The following VWC2L variants were observed in gnomAD, a reference collection of about 807,000 sequenced individuals.
The protein encoded by VWC2L is von Willebrand factor C domain-containing protein 2-like.
Under a neutral mutation model 21.6 loss-of-function variants are expected in VWC2L, and 10 were observed. The observed-to-expected ratio is 0.46, with a 90% confidence interval of 0.29 to 0.78. VWC2L has a LOEUF of 0.78. Ranked by LOEUF, VWC2L falls within the 30% of genes least tolerant of loss-of-function variation. The pLI, the probability that VWC2L is intolerant of heterozygous loss-of-function variation, is 0.10. For synonymous variants in VWC2L, 96 were observed against 94.3 expected (o/e 1.02, Z -0.10); for missense variants, 209 against 277.1 (o/e 0.75, Z 1.74).
chr2:214,514,897 G>A (rs1314881367), intron 3 of VWC2L, among the ~76,000 whole-genome samples: 1 of 152,190 alleles, frequency 6.6e-6, no homozygotes, highest in Admixed American at 6.5e-5. Flanking sequence ...TTTGGGCTTT[G>A]TGCAGACTTG....
chr2:214,515,994 A>AT (rs1352918287), intron 3 of VWC2L, among the ~76,000 whole-genome samples: 1 of 152,194 alleles, frequency 6.6e-6, no homozygotes, highest in Non-Finnish European at 1.5e-5. Context: ...CTAAGAATGA[A>AT]TGAGAGCATC....
chr2:214,457,331 T>C (rs1703071941), intron 3 of VWC2L, among the ~76,000 whole-genome samples: 1 of 152,132 alleles, frequency 6.6e-6, no homozygotes, highest in Non-Finnish European at 1.5e-5. Context: ...TCATTGTTGG[T>C]GTATAGAAAC....
At chr2:214,501,591 G>A (rs1199056779) in intron 3 of VWC2L, among the ~76,000 whole-genome samples, 2 of 151,972 alleles carry the variant, frequency 1.3e-5, no homozygotes, top group African/African-American at 2.4e-5. Flanking sequence ...GCATGGTGGT[G>A]GGTGCCTGTA....
chr2:214,467,199 TGTA>T (rs1311299107), intron 3 of VWC2L, among the ~76,000 whole-genome samples: 1 of 152,234 alleles, frequency 6.6e-6, no homozygotes, highest in African/African-American at 2.4e-5. Context: ...GGCTTTCTAA[TGTA>T]GCTAGCTGGA....
At chr2:214,432,023 A>T (rs1702607633) in intron 2 of VWC2L, among the ~76,000 whole-genome samples, 1 of 152,228 alleles carries the variant, frequency 6.6e-6, no homozygotes. Flanking sequence ...TAGTTATTTC[A>T]CGACTCACAG....
intron 3 of VWC2L, among the ~76,000 whole-genome samples, chr2:214,519,260 C>T (rs1689194000): frequency 6.6e-6 from 1 of 152,044 alleles, no homozygotes; most frequent in Non-Finnish European, 1.5e-5. Context: ...GCTCTTTCAC[C>T]CACCGAAGAA....
chr2:214,522,489 G>C lies in VWC2L; in HGVS notation c.521-53183G>C, dbSNP rs763264123. ...TACATAGTCGGTGTCTATATTTATGGGGTACAGGAGACATTGGGGTACAGA... is the reference window on the plus strand; with the variant it reads ...TACATAGTCGGTGTCTATATTTATGCGGTACAGGAGACATTGGGGTACAGA... On this transcript the variant is annotated intron_variant, in intron 3 of 3. Coordinates refer to ENST00000312504, the MANE Select transcript of VWC2L (RefSeq NM_001080500.4). Among the ~76,000 whole-genome samples, 13 of 151,864 alleles carry C rather than the reference G, an allele frequency of 8.6e-5. 1 individual carries two copies. Among genetic ancestry groups the C allele is most frequent in the Admixed American group, 7.9e-4 (12 of 15,230 alleles).
At chr2:214,511,575 AGTTGTC>A (rs1387111368) in intron 3 of VWC2L, among the ~76,000 whole-genome samples, 1 of 152,122 alleles carries the variant, frequency 6.6e-6, no homozygotes, top group Admixed American at 6.5e-5. Flanking sequence ...CTGAAAGGAG[AGTTGTC>A]ATTAGAAACT....
intron 3 of VWC2L, among the ~76,000 whole-genome samples, chr2:214,443,614 T>C (rs1702794608): frequency 1.3e-5 from 2 of 152,078 alleles, no homozygotes; most frequent in Admixed American, 6.6e-5. Context: ...ACATTGTACA[T>C]GAAAAAGCAA....
At chr2:214,503,209 C>T (rs185320696) in intron 3 of VWC2L, among the ~76,000 whole-genome samples, 72 of 152,240 alleles carry the variant, frequency 4.7e-4, no homozygotes, top group African/African-American at 1.5e-3. Context: ...CATTTAGCAT[C>T]TAAATCTTCA....
chr2:214,495,877 T>A (rs1688804843), intron 3 of VWC2L, among the ~76,000 whole-genome samples: 1 of 152,162 alleles, frequency 6.6e-6, no homozygotes. Flanking sequence ...TAGGAAATAA[T>A]ATTTCAAAAA....
intron 3 of VWC2L, among the ~76,000 whole-genome samples, chr2:214,493,627 G>A (rs1355735836): frequency 6.6e-6 from 1 of 152,092 alleles, no homozygotes; most frequent in African/African-American, 2.4e-5. Flanking sequence ...CTTTCTAACA[G>A]CTCTGGCACC....
intron 3 of VWC2L, among the ~76,000 whole-genome samples, chr2:214,463,981 A>T (rs1340011115): frequency 2.6e-5 from 4 of 151,952 alleles, no homozygotes; most frequent in Non-Finnish European, 5.9e-5. Context: ...TCAGCTTCAA[A>T]ATTTCTGCTT....
Position 214,576,807 on chromosome 2 carries a change from G to T in VWC2L, c.*987G>T, listed in dbSNP as rs771873838. 38 of 152,110 alleles carry T rather than the reference G, an allele frequency of 2.5e-4. No homozygotes were observed. The highest frequency in any genetic ancestry group is 5.4e-4 in the Non-Finnish European group (37 of 68,026). The allele number at this position is 152,110 out of a possible 1,614,324, so 9.4% of individuals were successfully genotyped here. On this transcript the variant is annotated 3_prime_UTR_variant, in exon 4 of 4. Transcript: ENST00000312504. ...AGTAGTACACACTGGCAGTTTTTGT[G>T]GTTCGGGACTGTGTTTGCCATGTTG...
intron 2 of VWC2L, among the ~76,000 whole-genome samples, chr2:214,424,515 C>T (rs1422996019): frequency 2.0e-5 from 3 of 152,122 alleles, no homozygotes; most frequent in Non-Finnish European, 2.9e-5. Context: ...TCTATGTACA[C>T]ATCTATAAAA....
At chr2:214,460,634 A>G (rs528115835) in intron 3 of VWC2L, among the ~76,000 whole-genome samples, 1 of 152,054 alleles carries the variant, frequency 6.6e-6, no homozygotes, top group Non-Finnish European at 1.5e-5. Context: ...TTTTTATAAC[A>G]TCTATTTCTT....
At chr2:214,489,241 T>C (rs955228855) in intron 3 of VWC2L, among the ~76,000 whole-genome samples, 1 of 152,170 alleles carries the variant, frequency 6.6e-6, no homozygotes, top group African/African-American at 2.4e-5. Context: ...GAGTCTGTGG[T>C]AGTGACAGGC....
At chr2:214,554,355 C>T (rs1163866476) in intron 3 of VWC2L, among the ~76,000 whole-genome samples, 1 of 152,114 alleles carries the variant, frequency 6.6e-6, no homozygotes, top group African/African-American at 2.4e-5. Flanking sequence ...AAAACTAGTT[C>T]AGGCCGTGAT....
At position 214,522,146 on chromosome 2, in the gene VWC2L, C is replaced by A. The variant is rs901664945; in HGVS notation, c.521-53526C>A. Among the ~76,000 whole-genome samples the A allele has an allele frequency of 2.6e-5, 4 of 152,038 alleles. 1 individual carries two copies. Among genetic ancestry groups the A allele is most frequent in the East Asian group, 1.9e-4 (1 of 5,176 alleles). On this transcript the variant is annotated intron_variant, in intron 3 of 3. Coordinates refer to ENST00000312504, the MANE Select transcript of VWC2L (RefSeq NM_001080500.4). Reference sequence around the variant, plus strand: ...ATCCCAGCACTTTGGGAGGCCGAAGCGGGTGGATCACGAGGTCAGGAGATC... The same window carrying A: ...ATCCCAGCACTTTGGGAGGCCGAAGAGGGTGGATCACGAGGTCAGGAGATC...
Sources: allele counts gnomAD v4.1 joint callset (sites outside exome capture counted in the v4.1 genomes callset), GRCh38; gene constraint gnomAD v4.1.1; transcripts MANE v1.5; gene names NCBI Gene and HGNC (gene_info 2026-07-23, HGNC 2026-07-21).